Variants in ROR1 observed in about 807,000 individuals in gnomAD.
ROR1 encodes inactive tyrosine-protein kinase transmembrane receptor ROR1.
A neutral mutation model predicts 78.8 loss-of-function variants in ROR1; 19 were observed. The ratio of observed to expected loss-of-function variants is 0.24; its 90% confidence interval spans 0.17 to 0.35. The LOEUF (loss-of-function observed/expected upper bound fraction) is 0.35. Ranked by LOEUF, ROR1 falls within the 10% of genes least tolerant of loss-of-function variation. The probability of loss-of-function intolerance (pLI) is 1.00; values close to 1 mark genes in which losing one functional copy is unlikely to be tolerated. For missense variants in ROR1, 917 were observed against 1,177.8 expected, an observed-to-expected ratio of 0.78 and a Z score of 3.24; for synonymous variants, 386 against 433.6, an observed-to-expected ratio of 0.89 and a Z score of 1.36.
chr1:64,141,321 A>G (rs1414643345), intron 6 of ROR1, among the ~76,000 whole-genome samples: 2 of 151,046 alleles, frequency 1.3e-5, no homozygotes, highest in Admixed American at 6.6e-5. Flanking sequence ...GCAGAAGGTG[A>G]ACGGAGAGCA....
At chr1:63,914,794 C>A (rs1200461958) in intron 1 of ROR1, among the ~76,000 whole-genome samples, 2 of 152,060 alleles carry the variant, frequency 1.3e-5, no homozygotes, top group Non-Finnish European at 1.5e-5. Flanking sequence ...ACCCCTCCAC[C>A]CCCATTTCTG....
chr1:64,016,487 A>G (rs1392607058), intron 2 of ROR1, among the ~76,000 whole-genome samples: 1 of 152,106 alleles, frequency 6.6e-6, no homozygotes, highest in Non-Finnish European at 1.5e-5. Context: ...TTAAAATTAC[A>G]CTTCTCACTT....
intron 1 of ROR1, among the ~76,000 whole-genome samples, chr1:63,951,693 A>G (rs913992179): frequency 3.9e-5 from 6 of 151,936 alleles, no homozygotes; most frequent in South Asian, 2.1e-4. Context: ...TGCATTTGTA[A>G]TTTCTCTTAA....
At chr1:63,844,061 T>A (rs1645065664) in intron 1 of ROR1, among the ~76,000 whole-genome samples, 1 of 152,156 alleles carries the variant, frequency 6.6e-6, no homozygotes, top group Non-Finnish European at 1.5e-5. Context: ...TCAGAGTGAT[T>A]ATCTCCCTTA....
At chr1:64,116,462 T>TACG (rs1400853756) in intron 4 of ROR1, among the ~76,000 whole-genome samples, 1 of 152,164 alleles carries the variant, frequency 6.6e-6, no homozygotes, top group Non-Finnish European at 1.5e-5. Context: ...TACCCCTTTT[T>TACG]AAATGAGTAT....
At chr1:64,026,171 C>G (rs1324243631) in intron 2 of ROR1, among the ~76,000 whole-genome samples, 1 of 152,108 alleles carries the variant, frequency 6.6e-6, no homozygotes, top group Non-Finnish European at 1.5e-5. Flanking sequence ...GTGTTTTATT[C>G]CCTCTTCTGC....
intron 1 of ROR1, among the ~76,000 whole-genome samples, chr1:63,887,501 G>A (rs761350752): frequency 6.6e-5 from 10 of 152,164 alleles, no homozygotes; most frequent in Middle Eastern, 3.4e-3. Flanking sequence ...TAGAACATTT[G>A]CGTTATTTCA....
rs1048147422 is a variant in ROR1, at chr1:64,054,174, G to C, written c.482+3458G>C. Among the ~76,000 whole-genome samples, 4 of 152,230 alleles carry C rather than the reference G, an allele frequency of 2.6e-5. No individual in the cohort carries two copies. In the South Asian group the frequency reaches 6.2e-4, roughly 24 times the overall value. ...TCTCCATGTTGGCCGGGCTGGTCTC[G>C]AACTCCTGGCCTCAAGCAACCCACC... On this transcript the variant is annotated intron_variant, in intron 4 of 8. Transcript: ENST00000371079.
At chr1:64,100,476 A>G (rs1647484041) in intron 4 of ROR1, among the ~76,000 whole-genome samples, 1 of 152,204 alleles carries the variant, frequency 6.6e-6, no homozygotes, top group African/African-American at 2.4e-5. Flanking sequence ...TGACAGAGAA[A>G]GACCTTGTCT....
At chr1:64,071,206 G>T (rs535293959) in intron 4 of ROR1, among the ~76,000 whole-genome samples, 9 of 152,286 alleles carry the variant, frequency 5.9e-5, no homozygotes, top group African/African-American at 2.2e-4. Flanking sequence ...CATTCCAAGA[G>T]CCATGGAAGC....
At chr1:64,043,813 G>T (rs1646763325) in intron 2 of ROR1, among the ~76,000 whole-genome samples, 1 of 152,162 alleles carries the variant, frequency 6.6e-6, no homozygotes, top group Admixed American at 6.5e-5. Context: ...ACTTCTCTGT[G>T]TCTCAGTTTC....
At chr1:63,919,911 A>C (rs1645640770) in intron 1 of ROR1, among the ~76,000 whole-genome samples, 1 of 152,198 alleles carries the variant, frequency 6.6e-6, no homozygotes. Flanking sequence ...TGGTTCAACT[A>C]TCCGGGAAAA....
chr1:63,809,235 G>A (rs1644846630), intron 1 of ROR1, among the ~76,000 whole-genome samples: 2 of 152,142 alleles, frequency 1.3e-5, no homozygotes, highest in South Asian at 4.1e-4. Context: ...AGGTACCAGG[G>A]AATCCCATAA....
intron 2 of ROR1, among the ~76,000 whole-genome samples, chr1:64,015,696 G>A (rs528238531): frequency 2.0e-4 from 30 of 152,262 alleles, no homozygotes; most frequent in South Asian, 4.2e-4. Flanking sequence ...CTCTTGGCAC[G>A]TGGCAAGCTG....
intron 1 of ROR1, among the ~76,000 whole-genome samples, chr1:63,795,013 G>A (rs1644751338): frequency 6.6e-6 from 1 of 152,102 alleles, no homozygotes; most frequent in African/African-American, 2.4e-5. Flanking sequence ...GACCCCAGAC[G>A]AGGCTGCCTG....
chr1:64,020,392 A>T (rs1483794188), intron 2 of ROR1, among the ~76,000 whole-genome samples: 1 of 152,200 alleles, frequency 6.6e-6, no homozygotes, highest in Non-Finnish European at 1.5e-5. Flanking sequence ...ACCATGGACG[A>T]GGCCTGTACT....
chr1:64,025,144 C>G (rs1371840356), intron 2 of ROR1, among the ~76,000 whole-genome samples: 1 of 152,148 alleles, frequency 6.6e-6, no homozygotes, highest in Non-Finnish European at 1.5e-5. Context: ...CCTTTTCAGT[C>G]TGAATCAAAT....
chr1:63,952,728 A>G (rs1645950766), intron 1 of ROR1, among the ~76,000 whole-genome samples: 1 of 152,128 alleles, frequency 6.6e-6, no homozygotes. Flanking sequence ...TGCCCTGAGA[A>G]TAGTGGGGAC....
chr1:64,009,802 G>A (rs1308081641), intron 2 of ROR1, among the ~76,000 whole-genome samples: 1 of 152,186 alleles, frequency 6.6e-6, no homozygotes, highest in Non-Finnish European at 1.5e-5. Flanking sequence ...TGGAATGTTT[G>A]TAATTGCCTG....
Sources: allele counts gnomAD v4.1 joint callset (sites outside exome capture counted in the v4.1 genomes callset), GRCh38; gene constraint gnomAD v4.1.1; transcripts MANE v1.5; gene names NCBI Gene and HGNC (gene_info 2026-07-23, HGNC 2026-07-21).